CEP128: variants seen among roughly 807,000 people sequenced by gnomAD.
CEP128 encodes the protein centrosomal protein 128, also known as centrosomal protein 128kDa.
In CEP128, 132 loss-of-function variants were observed where a neutral mutation model predicts 156.7. The ratio of observed to expected loss-of-function variants is 0.84; its 90% CI spans 0.73 to 0.97. CEP128 has a LOEUF of 0.97. Among genes scored for constraint, CEP128 ranks in the 50% least tolerant of loss-of-function variants. CEP128 has a pLI of 0.00. For missense variants in CEP128, 1,252 were observed against 1,281.9 expected (o/e 0.98, Z 0.36); for synonymous variants, 469 against 448.9 (o/e 1.04, Z -0.57).
chr14:80,767,051 T>C (rs1423500919), intron 16 of CEP128, among the ~76,000 whole-genome samples: 1 of 152,060 alleles, frequency 6.6e-6, no homozygotes, highest in Admixed American at 6.5e-5. Flanking sequence ...TATGAAACTA[T>C]CCTGAACAAA....
At chr14:80,577,359 A>G (rs1453582247) in intron 20 of CEP128, among the ~76,000 whole-genome samples, 2 of 152,134 alleles carry the variant, frequency 1.3e-5, no homozygotes, top group African/African-American at 4.8e-5. Context: ...AACCTCCCTT[A>G]ACATTACCAC....
At chr14:80,564,775 T>C (rs987429057) in intron 20 of CEP128, among the ~76,000 whole-genome samples, 7 of 152,142 alleles carry the variant, frequency 4.6e-5, no homozygotes, top group Non-Finnish European at 7.4e-5. Flanking sequence ...ATTAGAAATT[T>C]AGGGCAGGCG....
At chr14:80,767,387 G>A (rs1900292367) in intron 16 of CEP128, among the ~76,000 whole-genome samples, 2 of 151,958 alleles carry the variant, frequency 1.3e-5, no homozygotes, top group African/African-American at 4.8e-5. Flanking sequence ...ACGTAATGGA[G>A]AGCTCCTTAA....
At chr14:80,557,410 G>A (rs1446853389) in intron 21 of CEP128, among the ~76,000 whole-genome samples, 1 of 152,110 alleles carries the variant, frequency 6.6e-6, no homozygotes, top group Non-Finnish European at 1.5e-5. Context: ...ACAGATGAAG[G>A]AAACAAGAAA....
At chr14:80,768,930 A>C (rs1900375476) in intron 16 of CEP128, among the ~76,000 whole-genome samples, 1 of 152,214 alleles carries the variant, frequency 6.6e-6, no homozygotes, top group Non-Finnish European at 1.5e-5. Context: ...ATTAATATTC[A>C]AAGTTGAAAT....
chr14:80,908,155 T>C (rs901946497), intron 4 of CEP128, among the ~76,000 whole-genome samples: 1 of 152,198 alleles, frequency 6.6e-6, no homozygotes. Context: ...TGTATCATTA[T>C]GTACAGTTTT....
upstream of CEP128, among the ~76,000 whole-genome samples, chr14:80,942,801 C>T (rs1886221389): frequency 1.3e-5 from 2 of 151,976 alleles, no homozygotes; most frequent in Admixed American, 6.6e-5. Flanking sequence ...TCTCTCTCTC[C>T]CCCTTTCTCT....
intron 2 of CEP128, among the ~76,000 whole-genome samples, chr14:80,956,807 A>G (rs566067479): frequency 6.6e-6 from 1 of 152,340 alleles, no homozygotes; most frequent in Admixed American, 6.5e-5. Context: ...ATATTTGAGC[A>G]CAGAGATATA....
chr14:80,561,614 G>A (rs1038174751), intron 20 of CEP128, among the ~76,000 whole-genome samples: 2 of 152,058 alleles, frequency 1.3e-5, no homozygotes, highest in African/African-American at 4.8e-5. Flanking sequence ...CCTATACCAT[G>A]GGTTTGAGGG....
chr14:80,588,505 T>TA (rs1891914464), intron 19 of CEP128, among the ~76,000 whole-genome samples: 1 of 152,132 alleles, frequency 6.6e-6, no homozygotes, highest in Non-Finnish European at 1.5e-5. Flanking sequence ...GTATATATGA[T>TA]ATACATACAA....
At chr14:80,477,754 T>C (rs545409284) in exon 15 of CEP128, 1 of 152,222 alleles carries the variant, frequency 6.6e-6, no homozygotes, top group Non-Finnish European at 1.5e-5. Context: ...CTGTTAATGA[T>C]AGCGTGCTTA....
chr14:80,625,279 G>A lies in CEP128; in HGVS notation c.2807-44856C>T, dbSNP rs118073055. Among the ~76,000 whole-genome samples the A allele has an allele frequency of 1.5e-4, 23 of 152,134 alleles. No individual in the cohort carries two copies. In the East Asian group the frequency reaches 3.9e-3, roughly 26 times the overall value. On this transcript the variant is annotated intron_variant, in intron 19 of 24. Coordinates refer to ENST00000555265, the MANE Select transcript of CEP128 (RefSeq NM_152446.5). ...GTTGTAAATGTGTGAATTCATTTCC[G>A]GTTCTCTATTCTGTTCCATTGGTCT...
chr14:80,938,087 G>A (rs888970962), intron 2 of CEP128, among the ~76,000 whole-genome samples: 7 of 151,428 alleles, frequency 4.6e-5, no homozygotes, highest in Non-Finnish European at 1.0e-4. Flanking sequence ...TTGTAGAGAC[G>A]GGGTCTTGCT....
intron 6 of CEP128, among the ~76,000 whole-genome samples, chr14:80,902,877 G>A (rs1244246203): frequency 1.3e-5 from 2 of 152,096 alleles, no homozygotes; most frequent in Non-Finnish European, 2.9e-5. Context: ...AACAAGAAAG[G>A]AAACAAAACA....
chr14:80,656,323 A>ATATATATATATTT (rs1895164027), intron 19 of CEP128, among the ~76,000 whole-genome samples: 5 of 33,506 alleles, frequency 1.5e-4, no homozygotes, highest in African/African-American at 6.4e-4. Context: ...ATATATATAT[A>ATATATATATATTT]TATATATATA....
intron 13 of CEP128, among the ~76,000 whole-genome samples, chr14:80,821,787 C>T (rs2044738): frequency 0.33 from 49,450 of 151,512 alleles, 8,851 homozygotes; most frequent in Non-Finnish European, 0.4. Context: ...GTGATTCTCC[C>T]GTCTCAGCCC....
chr14:80,911,007 A>G (rs1490203421), intron 4 of CEP128, among the ~76,000 whole-genome samples: 1 of 152,224 alleles, frequency 6.6e-6, no homozygotes, highest in East Asian at 1.9e-4. Flanking sequence ...TAAAATTCTC[A>G]CAGAGATCTC....
chr14:80,829,487 T>C (rs1885666452), intron 13 of CEP128, among the ~76,000 whole-genome samples: 1 of 152,214 alleles, frequency 6.6e-6, no homozygotes, highest in African/African-American at 2.4e-5. Flanking sequence ...CACAGCTCGC[T>C]GCAGCCTTGA....
chr14:80,879,239 G>A lies in CEP128; in HGVS notation c.646-16366C>T, dbSNP rs542409035. Among the ~76,000 whole-genome samples the A allele has an allele frequency of 5.3e-5, 8 of 152,156 alleles. No homozygotes were observed. The East Asian group carries it at 5.8e-4, about 11-fold the overall frequency. ...TCTGTGAAGTTTGGAAGGAGTGACCGTACCACCAGATAGGCAGAAATTAAC... is the reference window on the plus strand; with the variant it reads ...TCTGTGAAGTTTGGAAGGAGTGACCATACCACCAGATAGGCAGAAATTAAC... On this transcript the variant is annotated intron_variant, in intron 8 of 24. Transcript: ENST00000555265.
Sources: allele counts gnomAD v4.1 joint callset (sites outside exome capture counted in the v4.1 genomes callset), GRCh38; gene constraint gnomAD v4.1.1; transcripts MANE v1.5; gene names NCBI Gene and HGNC (gene_info 2026-07-23, HGNC 2026-07-21).